RBFOX1: variants seen among roughly 807,000 people sequenced by gnomAD.
The protein encoded by RBFOX1 is RNA binding protein fox-1 homolog 1.
In RBFOX1, 8 loss-of-function variants were observed where a neutral mutation model predicts 57.7. That is an observed-to-expected ratio of 0.14 (90% CI 0.08 to 0.25). The LOEUF (loss-of-function observed/expected upper bound fraction) is 0.25, where lower values mean the gene tolerates loss of function less well. Ranked by LOEUF, RBFOX1 falls within the 10% of genes least tolerant of loss-of-function variation. The pLI, the probability that RBFOX1 is intolerant of heterozygous loss-of-function variation, is 1.00. For missense variants in RBFOX1, 611 were observed against 548.5 expected (o/e 1.11, Z -1.14); for synonymous variants, 326 against 222.4 (o/e 1.47, Z -4.15).
intron 10 of RBFOX1, among the ~76,000 whole-genome samples, chr16:7,618,692 G>C (rs2058845938): frequency 6.6e-6 from 1 of 152,070 alleles, no homozygotes; most frequent in Admixed American, 6.6e-5. Context: ...ACCCAATAGT[G>C]TTTAATACCC....
Position 6,925,244 on chromosome 16 carries a change from G to T in RBFOX1, c.-15-126813G>T, listed in dbSNP as rs192911963. Among the ~76,000 whole-genome samples the T allele has an allele frequency of 4.4e-3, 623 of 140,070 alleles. 6 individuals carry two copies. Among genetic ancestry groups the T allele is most frequent in the Non-Finnish European group, 6.9e-3 (453 of 66,048 alleles). 91.9% of individuals were successfully genotyped at this position (140,070 alleles called of 152,430 possible). On this transcript the variant is annotated intron_variant, in intron 3 of 15. Coordinates refer to ENST00000550418, the MANE Select transcript of RBFOX1 (RefSeq NM_018723.4). ...TGCCTCCCGGGCTCAAGCAATTGTC[G>T]TACCTCAGTCTCCCAAGTAGCTGGG...
chr16:6,654,224 C>T (rs1256145495), intron 2 of RBFOX1, among the ~76,000 whole-genome samples: 2 of 152,136 alleles, frequency 1.3e-5, no homozygotes, highest in African/African-American at 2.4e-5. Flanking sequence ...TGAAGTGAGA[C>T]ATATCTGACT....
At chr16:7,492,941 C>T (rs939939469) in intron 4 of RBFOX1, among the ~76,000 whole-genome samples, 9 of 152,216 alleles carry the variant, frequency 5.9e-5, no homozygotes, top group East Asian at 3.9e-4. Flanking sequence ...TGCAGTGGTG[C>T]GATCTCAGCT....
chr16:6,887,793 G>A (rs1214739306), intron 3 of RBFOX1, among the ~76,000 whole-genome samples: 1 of 151,842 alleles, frequency 6.6e-6, no homozygotes, highest in African/African-American at 2.4e-5. Flanking sequence ...CTCCTGAGTA[G>A]CTGGGTTTAC....
intron 4 of RBFOX1, among the ~76,000 whole-genome samples, chr16:7,084,814 G>T (rs554393792): frequency 6.6e-6 from 1 of 152,150 alleles, no homozygotes. Flanking sequence ...CCTCTCTCAT[G>T]TCTGTCTGTA....
rs74611217 is a variant in RBFOX1 at position 7,282,101 on chromosome 16, G to C, written c.27+230003G>C. 8.8e-4 allele frequency among the ~76,000 whole-genome samples: 134 copies of C among 152,160 alleles called. 2 individuals carry two copies. The East Asian group carries it at 0.025, about 28-fold the overall frequency. On this transcript the variant is annotated intron_variant, in intron 4 of 15. Coordinates refer to ENST00000550418, the MANE Select transcript of RBFOX1 (RefSeq NM_018723.4). ...CCAAGCTCAACTCCTGAGCTCAGGT[G>C]ATCCACCCACTTCAGCCTCCCAGAG... is the stretch of plus-strand genomic sequence containing the variant.
chr16:7,304,581 T>G, intron 4 of RBFOX1: 1 of 985,260 alleles, frequency 1.0e-6, no homozygotes, highest in South Asian at 4.7e-5. Context: ...CTTATGTAGG[T>G]TCTGAGGAGG....
intron 3 of RBFOX1, among the ~76,000 whole-genome samples, chr16:6,979,013 C>G (rs985078524): frequency 1.3e-5 from 2 of 152,144 alleles, no homozygotes; most frequent in Non-Finnish European, 2.9e-5. Flanking sequence ...CATCCAGATA[C>G]AACTTCTGAG....
At chr16:7,673,119 T>A (rs1351570748) in intron 13 of RBFOX1, among the ~76,000 whole-genome samples, 1 of 152,036 alleles carries the variant, frequency 6.6e-6, no homozygotes, top group Non-Finnish European at 1.5e-5. Flanking sequence ...CACGTACATG[T>A]TACAGTCCTA....
chr16:6,580,588 CA>C (rs5815329), intron 2 of RBFOX1, among the ~76,000 whole-genome samples: 69,021 of 151,892 alleles, frequency 0.45, 16,705 homozygotes, highest in East Asian at 0.67. Context: ...AGAAATGTCA[CA>C]GGGGGGGATG....
chr16:5,944,290 T>A (rs2152268966), intron 4 of RBFOX1, among the ~76,000 whole-genome samples: 1 of 152,300 alleles, frequency 6.6e-6, no homozygotes, highest in East Asian at 1.9e-4. Flanking sequence ...TAGGAATGGA[T>A]GAATGGTCAC....
intron 3 of RBFOX1, among the ~76,000 whole-genome samples, chr16:6,662,872 C>T (rs959328418): frequency 2.0e-5 from 3 of 152,110 alleles, no homozygotes; most frequent in Admixed American, 2.0e-4. Context: ...TTCTTTAAAA[C>T]AAATACTCCC....
chr16:6,271,476 G>A (rs920498315), intron 1 of RBFOX1, among the ~76,000 whole-genome samples: 1 of 152,092 alleles, frequency 6.6e-6, no homozygotes, highest in Admixed American at 6.6e-5. Flanking sequence ...AGCAGAAATC[G>A]ATGAAATTCA....
At chr16:7,263,814 C>A (rs939176315) in intron 4 of RBFOX1, among the ~76,000 whole-genome samples, 4 of 151,648 alleles carry the variant, frequency 2.6e-5, no homozygotes, top group Non-Finnish European at 4.4e-5. Context: ...GCGGGAGAAT[C>A]GCTTGAACCC....
At chr16:7,374,245 C>G (rs939145594) in intron 4 of RBFOX1, among the ~76,000 whole-genome samples, 3 of 152,152 alleles carry the variant, frequency 2.0e-5, no homozygotes, top group Non-Finnish European at 4.4e-5. Context: ...CGTGGAATCA[C>G]ATTTCTTATC....
intron 4 of RBFOX1, among the ~76,000 whole-genome samples, chr16:7,163,656 A>C (rs1483272784): frequency 6.6e-6 from 1 of 151,542 alleles, no homozygotes; most frequent in Non-Finnish European, 1.5e-5. Context: ...CTGTTTTTTT[A>C]ATTTAAAAAT....
At chr16:7,613,873 C>G (rs186450015) in intron 10 of RBFOX1, among the ~76,000 whole-genome samples, 11 of 152,306 alleles carry the variant, frequency 7.2e-5, no homozygotes, top group African/African-American at 2.4e-4. Flanking sequence ...CCTTTGATCA[C>G]TGTGGTCCCT....
chr16:6,107,866 A>G (rs1216938323), intron 1 of RBFOX1, among the ~76,000 whole-genome samples: 1 of 152,186 alleles, frequency 6.6e-6, no homozygotes, highest in African/African-American at 2.4e-5. Context: ...AGTTGATTCT[A>G]TTAATTTATG....
At chr16:5,440,680 C>A (rs1183636651) in intron 1 of RBFOX1, among the ~76,000 whole-genome samples, 3 of 152,264 alleles carry the variant, frequency 2.0e-5, no homozygotes, top group Admixed American at 6.5e-5. Flanking sequence ...AGCCACATGA[C>A]AAATGAATCC....
Sources: gnomAD v4.1 joint callset for allele counts (sites outside exome capture counted in the v4.1 genomes callset) on GRCh38, gnomAD v4.1.1 for gene constraint, MANE v1.5 for transcripts, NCBI Gene and HGNC (gene_info 2026-07-23, HGNC 2026-07-21) for gene names.